Variants in TTC28 observed in about 807,000 individuals in gnomAD.
TTC28 encodes tetratricopeptide repeat domain 28, also known as tetratricopeptide repeat protein 28.
TTC28 carries 61 observed loss-of-function variants against 198.0 expected under a neutral mutation model. That is an observed-to-expected ratio of 0.31 (90% CI 0.25 to 0.38). The LOEUF (loss-of-function observed/expected upper bound fraction) is 0.38, where lower values mean the gene tolerates loss of function less well. Among genes scored for constraint, TTC28 ranks in the 10% least tolerant of loss-of-function variants. The pLI is 1.00. For synonymous variants in TTC28, 1,171 were observed against 1,297.8 expected (o/e 0.90, Z 2.10); for missense variants, 2,678 against 3,164.0 (o/e 0.85, Z 3.69).
At chr22:28,520,681 C>G (rs945280693) in intron 2 of TTC28, among the ~76,000 whole-genome samples, 51 of 152,116 alleles carry the variant, frequency 3.4e-4, no homozygotes, top group African/African-American at 1.2e-3. Context: ...TTGCTTAAGC[C>G]CAGTAGTTCA....
rs1366721627 is a variant in TTC28 at position 27,980,476 on chromosome 22, T to TATC, written c.*1742_*1744dup. ...AGGAGAACACAGATTGGATAAATAT[T>TATC]ATCCTTTCTTCTTTTCAGAGGAGTA... is the stretch of plus-strand genomic sequence containing the variant. On this transcript the variant is annotated 3_prime_UTR_variant, in exon 23 of 23. Coordinates refer to ENST00000397906, the MANE Select transcript of TTC28 (RefSeq NM_001145418.2). 1 of 152,180 alleles carries TATC rather than the reference T, an allele frequency of 6.6e-6. No homozygotes were observed. Among genetic ancestry groups the TATC allele is most frequent in the East Asian group, 1.9e-4 (1 of 5,194 alleles). 9.4% of individuals were successfully genotyped at this position (152,180 alleles called of 1,614,324 possible).
chr22:28,315,748 C>A (rs2045341803), intron 2 of TTC28, among the ~76,000 whole-genome samples: 1 of 152,114 alleles, frequency 6.6e-6, no homozygotes, highest in Admixed American at 6.6e-5. Flanking sequence ...TATTTATCTA[C>A]CCCTTCACAA....
At chr22:28,029,222 A>G in intron 13 of TTC28, 1 of 420,024 alleles carries the variant, frequency 2.4e-6, no homozygotes, top group Non-Finnish European at 5.0e-6. Flanking sequence ...CCAGGCTGCC[A>G]GCTCCTACAT....
chr22:28,326,637 ACCTTT>A, intron 2 of TTC28, among the ~76,000 whole-genome samples: 1 of 152,220 alleles, frequency 6.6e-6, no homozygotes, highest in Non-Finnish European at 1.5e-5. Context: ...AAAGACAGAT[ACCTTT>A]TACTTGGAGA....
chr22:28,534,805 C>T (rs1038942028), intron 2 of TTC28, among the ~76,000 whole-genome samples: 4 of 151,940 alleles, frequency 2.6e-5, no homozygotes, highest in African/African-American at 4.8e-5. Context: ...AGCAAACTAT[C>T]GCAAGGAAAG....
rs1242786931 is a variant in TTC28 at position 27,979,339 on chromosome 22, G to C, written c.*2882C>G. On this transcript the variant is annotated 3_prime_UTR_variant, in exon 23 of 23. Coordinates refer to ENST00000397906, the MANE Select transcript of TTC28 (RefSeq NM_001145418.2). ...TATTAAAAATACAAAAATTAGCAAG[G>C]CATGGTAGTGGGTGCCTGTAGTCCC... is the stretch of plus-strand genomic sequence containing the variant. 6.6e-6 allele frequency: 1 copy of C among 152,134 alleles called. No homozygotes were observed. The highest frequency in any genetic ancestry group is 1.5e-5 in the Non-Finnish European group (1 of 68,052). The allele number at this position is 152,134 out of a possible 1,614,324, so 9.4% of individuals were successfully genotyped here.
intron 2 of TTC28, among the ~76,000 whole-genome samples, chr22:28,548,471 C>T (rs1463537570): frequency 6.6e-6 from 1 of 152,156 alleles, no homozygotes; most frequent in Admixed American, 6.5e-5. Flanking sequence ...TCTAACATCA[C>T]CACAAATCAT....
Position 28,456,465 on chromosome 22 carries a change from T to C in TTC28, c.382-149822A>G, listed in dbSNP as rs1238029305. On this transcript the variant is annotated intron_variant, in intron 2 of 22. Transcript: ENST00000397906. ...TTGTAACTAAAATATACAAATATTA[T>C]TCTTAATTATTATCCTTCTTCATTC... is the stretch of plus-strand genomic sequence containing the variant. Among the ~76,000 whole-genome samples, 8 of 152,356 alleles carry C rather than the reference T, an allele frequency of 5.3e-5. 1 individual carries two copies. The South Asian group carries it at 1.7e-3, about 32-fold the overall frequency.
chr22:27,982,935 C>T lies in TTC28; in HGVS notation c.6732G>A (p.Lys2244=), dbSNP rs1185691493. 6.4e-7 allele frequency: 1 copy of T among 1,551,550 alleles called. No individual in the cohort carries two copies. The highest frequency in any genetic ancestry group is 8.7e-7 in the Non-Finnish European group (1 of 1,147,014). Residue 2244 remains lysine (K), a synonymous_variant, in exon 23 of 23, where the codon AAG becomes AAA. Coordinates refer to ENST00000397906, the MANE Select transcript of TTC28 (RefSeq NM_001145418.2). This position sits in a 1 kb window ranked among gnomAD's most constrained non-coding sequence, Gnocchi z 5.2. ...KPPARSSSLP[K]VSSGYSSPTT... is the part of the protein sequence containing the mutation. ...TGGGGCTGCTATATCCGGAACTCACCTTGGGCAGGGAGGAGCTCCTGGCTG... is the reference window on the plus strand; with the variant it reads ...TGGGGCTGCTATATCCGGAACTCACTTTGGGCAGGGAGGAGCTCCTGGCTG...
intron 1 of TTC28, among the ~76,000 whole-genome samples, chr22:28,651,455 G>A (rs566964892): frequency 9.1e-4 from 139 of 152,084 alleles, no homozygotes; most frequent in African/African-American, 3.1e-3. Flanking sequence ...GTACTCTTTC[G>A]CCTAGGCTGG....
At chr22:28,382,155 T>A (rs1391198813) in intron 2 of TTC28, among the ~76,000 whole-genome samples, 2 of 152,204 alleles carry the variant, frequency 1.3e-5, no homozygotes, top group Non-Finnish European at 2.9e-5. Context: ...GAAATGTGAC[T>A]GTTGGTAAGA....
At chr22:28,142,479 C>T (rs930115668) in intron 6 of TTC28, among the ~76,000 whole-genome samples, 5 of 152,142 alleles carry the variant, frequency 3.3e-5, no homozygotes, top group African/African-American at 1.2e-4. Context: ...AGCAATGTAG[C>T]AATCGTGCTC....
At chr22:28,223,994 A>T (rs2147209875) in intron 5 of TTC28, among the ~76,000 whole-genome samples, 1 of 152,280 alleles carries the variant, frequency 6.6e-6, no homozygotes, top group South Asian at 2.1e-4. Flanking sequence ...AATGATTCTC[A>T]GCTAGGGCAA....
At chr22:28,442,243 A>G (rs952069619) in intron 2 of TTC28, among the ~76,000 whole-genome samples, 2 of 152,190 alleles carry the variant, frequency 1.3e-5, no homozygotes, top group Non-Finnish European at 2.9e-5. Context: ...ACACGCACAG[A>G]CACACGCCCG....
chr22:28,166,692 T>C (rs571562485), intron 5 of TTC28, among the ~76,000 whole-genome samples: 1 of 152,328 alleles, frequency 6.6e-6, no homozygotes, highest in South Asian at 2.1e-4. Flanking sequence ...GGGAAATTTA[T>C]AGCACTAAAT....
intron 12 of TTC28, among the ~76,000 whole-genome samples, chr22:28,081,718 C>G (rs1941370316): frequency 6.6e-6 from 1 of 152,134 alleles, no homozygotes; most frequent in Non-Finnish European, 1.5e-5. Flanking sequence ...TCTCAAACTG[C>G]TGACCTCAGA....
chr22:28,531,447 C>G (rs1452813208), intron 2 of TTC28, among the ~76,000 whole-genome samples: 1 of 152,110 alleles, frequency 6.6e-6, no homozygotes, highest in Non-Finnish European at 1.5e-5. Flanking sequence ...TAGACTCCCA[C>G]ACAATAATAA....
At chr22:28,176,776 C>CA (rs1216214752) in intron 5 of TTC28, among the ~76,000 whole-genome samples, 2 of 152,070 alleles carry the variant, frequency 1.3e-5, no homozygotes, top group East Asian at 3.8e-4. Context: ...TAATCTTTGA[C>CA]AGGGTACAAA....
intron 2 of TTC28, among the ~76,000 whole-genome samples, chr22:28,328,756 AAATAAT>A (rs199948599): frequency 0.42 from 56,872 of 133,944 alleles, 13,208 homozygotes; most frequent in Non-Finnish European, 0.54. Flanking sequence ...TCTGTCTCAA[AAATAAT>A]AATAATAATA....
Sources: allele counts gnomAD v4.1 joint callset (sites outside exome capture counted in the v4.1 genomes callset), GRCh38; gene constraint gnomAD v4.1.1; non-coding constraint Gnocchi (gnomAD v3.1); transcripts MANE v1.5; gene names NCBI Gene and HGNC (gene_info 2026-07-23, HGNC 2026-07-21).